Variants in LPAR3 observed in about 807,000 individuals in gnomAD.
The protein encoded by LPAR3 is lysophosphatidic acid receptor 3, also known as LPA receptor 3.
Under a neutral mutation model 17.8 loss-of-function variants are expected in LPAR3, and 7 were observed. The observed-to-expected ratio is 0.39, with a 90% CI of 0.22 to 0.74. LPAR3 has a LOEUF of 0.74. Among genes scored for constraint, LPAR3 ranks in the 30% least tolerant of loss-of-function variants. The probability of loss-of-function intolerance (pLI) is 0.40; values close to 1 mark genes in which losing one functional copy is unlikely to be tolerated. For synonymous variants in LPAR3, 179 were observed against 179.9 expected (o/e 0.99, Z 0.04); for missense variants, 391 against 453.4 (o/e 0.86, Z 1.25).
chr1:84,878,069 A>G (rs559187003), intron 1 of LPAR3, among the ~76,000 whole-genome samples: 1 of 152,238 alleles, frequency 6.6e-6, no homozygotes, highest in South Asian at 2.1e-4. Flanking sequence ...GACATTCAAC[A>G]TATTTTATTA....
At chr1:84,881,716 T>C (rs534226886) in intron 1 of LPAR3, among the ~76,000 whole-genome samples, 1 of 152,090 alleles carries the variant, frequency 6.6e-6, no homozygotes, top group East Asian at 1.9e-4. Context: ...TGCTGTAGCT[T>C]GAAACAAAGC....
At chr1:84,864,116 G>A (rs1659992584) in intron 2 of LPAR3, among the ~76,000 whole-genome samples, 1 of 151,980 alleles carries the variant, frequency 6.6e-6, no homozygotes, top group African/African-American at 2.4e-5. Context: ...GGAGGCTGAG[G>A]TAGAAGGATC....
chr1:84,884,047 G>C (rs1271636298), intron 1 of LPAR3, among the ~76,000 whole-genome samples: 1 of 152,218 alleles, frequency 6.6e-6, no homozygotes, highest in Non-Finnish European at 1.5e-5. Context: ...GCATGTTCCA[G>C]CTCACAGCCT....
At chr1:84,864,599 T>C (rs1660003825) in intron 2 of LPAR3, among the ~76,000 whole-genome samples, 1 of 152,182 alleles carries the variant, frequency 6.6e-6, no homozygotes, top group South Asian at 2.1e-4. Context: ...CCAGCCAACA[T>C]GGAGAAACCC....
chr1:84,835,432 AGTTGTGATTCGCAAATGTGTGTAC>A (rs1448630923), intron 2 of LPAR3, among the ~76,000 whole-genome samples: 44 of 152,064 alleles, frequency 2.9e-4, no homozygotes, highest in African/African-American at 8.5e-4. Flanking sequence ...ATCTTTGTGG[AGTTGTGATTCGCAAATGTGTGTAC>A]GTGTGTGTAC....
intron 1 of LPAR3, among the ~76,000 whole-genome samples, chr1:84,886,059 G>A (rs1660453621): frequency 6.6e-6 from 1 of 152,090 alleles, no homozygotes; most frequent in African/African-American, 2.4e-5. Flanking sequence ...TAATACCCCA[G>A]TAACAATGGG....
chr1:84,819,378 T>G (rs1659007185), intron 2 of LPAR3, among the ~76,000 whole-genome samples: 1 of 152,180 alleles, frequency 6.6e-6, no homozygotes, highest in East Asian at 1.9e-4. Flanking sequence ...AAAGGAACTT[T>G]TAAAATAATG....
At chr1:84,849,391 AAAG>A (rs1475519900) in intron 2 of LPAR3, among the ~76,000 whole-genome samples, 4 of 150,830 alleles carry the variant, frequency 2.7e-5, no homozygotes, top group Admixed American at 2.6e-4. Flanking sequence ...AAAAAAAAAA[AAAG>A]AAAGAAAGAA....
intron 2 of LPAR3, among the ~76,000 whole-genome samples, chr1:84,825,004 C>A (rs1445423892): frequency 6.6e-6 from 1 of 152,176 alleles, no homozygotes; most frequent in East Asian, 1.9e-4. Context: ...AAGTTCAGAT[C>A]CTGGACTAGA....
chr1:84,886,006 A>C (rs1450487807), intron 1 of LPAR3, among the ~76,000 whole-genome samples: 2 of 152,204 alleles, frequency 1.3e-5, no homozygotes, highest in Non-Finnish European at 2.9e-5. Context: ...ACACATATAC[A>C]CATATATTTC....
chr1:84,836,598 T>C (rs528688279), intron 2 of LPAR3, among the ~76,000 whole-genome samples: 100 of 152,306 alleles, frequency 6.6e-4, no homozygotes, highest in African/African-American at 2.3e-3. Context: ...TTTCAATCAA[T>C]TAGAATAACT....
chr1:84,837,896 C>T (rs1426071059), intron 2 of LPAR3, among the ~76,000 whole-genome samples: 2 of 152,132 alleles, frequency 1.3e-5, no homozygotes, highest in Admixed American at 6.5e-5. Flanking sequence ...AAAAATGATA[C>T]AATTCAGAAA....
chr1:84,848,657 T>G (rs1659637708), intron 2 of LPAR3, among the ~76,000 whole-genome samples: 1 of 152,134 alleles, frequency 6.6e-6, no homozygotes, highest in Admixed American at 6.6e-5. Flanking sequence ...GAGAGTCCAC[T>G]CCATGCAACT....
rs1352482358 is a variant in LPAR3 at position 84,886,258 on chromosome 1, A to T, written c.-19+6758T>A. On this transcript the variant is annotated intron_variant, in intron 1 of 2. Coordinates refer to ENST00000370611, the MANE Select transcript of LPAR3 (RefSeq NM_012152.3). ...ATACTGTATTGAGGCTGAGCATGGT[A>T]GCTCATACCTGTAATCCCAGCACCT... Among the ~76,000 whole-genome samples, 3 of 152,210 alleles carry T rather than the reference A, an allele frequency of 2.0e-5. No individual in the cohort carries two copies. In the East Asian group the frequency reaches 5.8e-4, roughly 29 times the overall value.
intron 1 of LPAR3, among the ~76,000 whole-genome samples, chr1:84,888,835 C>A (rs1886646): frequency 0.31 from 46,607 of 152,054 alleles, 7,468 homozygotes; most frequent in Admixed American, 0.43. Context: ...GTAGAAGCTC[C>A]AGCTTAATGT....
At chr1:84,850,695 C>T (rs1407376986) in intron 2 of LPAR3, among the ~76,000 whole-genome samples, 1 of 152,236 alleles carries the variant, frequency 6.6e-6, no homozygotes, top group Non-Finnish European at 1.5e-5. Flanking sequence ...TTGGGTCACT[C>T]ACAGAAGTCA....
Position 84,811,751 on chromosome 1 carries a change from C to A in LPAR3, c.*2095G>T, listed in dbSNP as rs976232481. 1 of 152,142 alleles carries A rather than the reference C, an allele frequency of 6.6e-6. No individual in the cohort carries two copies. The highest frequency in any genetic ancestry group is 1.5e-5 in the Non-Finnish European group (1 of 68,020). The allele number at this position is 152,142 out of a possible 1,614,324, so 9.4% of individuals were successfully genotyped here. On this transcript the variant is annotated 3_prime_UTR_variant, in exon 3 of 3. Coordinates refer to ENST00000370611, the MANE Select transcript of LPAR3 (RefSeq NM_012152.3). ...TATTTAGAAGCATGACATCTCAAAT[C>A]CTTTTATTACAAGTAGTTCTTGCAC...
At chr1:84,866,290 G>T in intron 1 of LPAR3, 152 bp from the exon 2 acceptor site, 1 of 625,746 alleles carries the variant, frequency 1.6e-6, no homozygotes, top group Non-Finnish European at 2.8e-6. Flanking sequence ...CTTTGGTCCA[G>T]GACATAGCCC....
intron 1 of LPAR3, among the ~76,000 whole-genome samples, chr1:84,866,820 G>A (rs947130931): frequency 2.0e-4 from 30 of 152,136 alleles, no homozygotes; most frequent in Admixed American, 1.5e-3. Context: ...TGCAGGGATG[G>A]AGACTTTGGT....
Sources: gnomAD v4.1 joint callset for allele counts (sites outside exome capture counted in the v4.1 genomes callset) on GRCh38, gnomAD v4.1.1 for gene constraint, MANE v1.5 for transcripts, NCBI Gene and HGNC (gene_info 2026-07-23, HGNC 2026-07-21) for gene names.